MACF1: variants seen among roughly 807,000 people sequenced by gnomAD.
The protein encoded by MACF1 is microtubule-actin cross-linking factor 1.
A neutral mutation model predicts 854.8 loss-of-function variants in MACF1; 193 were observed. That is an observed-to-expected ratio of 0.23 (90% CI 0.20 to 0.25). The LOEUF (loss-of-function observed/expected upper bound fraction) is 0.25. Ranked by LOEUF, MACF1 falls within the 10% of genes least tolerant of loss-of-function variation. MACF1 has a pLI of 1.00. For missense variants in MACF1, 7,722 were observed against 8,929.1 expected, an observed-to-expected ratio of 0.86 and a Z score of 5.45; for synonymous variants, 3,185 against 3,226.7, an observed-to-expected ratio of 0.99 and a Z score of 0.44.
chr1:39,187,169 A>T (rs1047627024), intron 2 of MACF1, among the ~76,000 whole-genome samples: 4 of 152,132 alleles, frequency 2.6e-5, no homozygotes, highest in African/African-American at 9.7e-5. Flanking sequence ...AATATTGCTT[A>T]AAGGTGAGCT....
At chr1:39,358,619 C>G in intron 45 of MACF1, 78 bp from the exon 46 acceptor site, 1 of 1,381,174 alleles carries the variant, frequency 7.2e-7, no homozygotes, top group Middle Eastern at 1.8e-4. Context: ...GTAACAAAGC[C>G]AGGCCTCTTT....
intron 89 of MACF1, chr1:39,457,462 C>T (rs548822324): frequency 3.3e-5 from 5 of 152,500 alleles, no homozygotes; most frequent in African/African-American, 1.2e-4. Context: ...CCACACTTAC[C>T]CCCACCCCCA....
At chr1:39,360,011 AAATATATATATATATATATATATAT>A (rs1205761547) in intron 47 of MACF1, among the ~76,000 whole-genome samples, 7 of 46,576 alleles carry the variant, frequency 1.5e-4, no homozygotes, top group South Asian at 1.3e-3. Context: ...AAAAAAAAAA[AAATATATATATATATATATATATAT>A]ATATATATAT....
rs1644292002 is a variant in MACF1 at position 39,194,341 on chromosome 1, CTTTTCTTTT to C, written c.221-36840_221-36832del. Among the ~76,000 whole-genome samples, 3 of 70,028 alleles carry C rather than the reference CTTTTCTTTT, an allele frequency of 4.3e-5. No individual in the cohort carries two copies. The South Asian group carries it at 1.1e-3, about 27-fold the overall frequency. The allele number at this position is 70,028 out of a possible 152,430, so 45.9% of individuals were successfully genotyped here. On this transcript the variant is annotated intron_variant, in intron 2 of 93. Coordinates refer to the MACF1 transcript ENST00000361689. Reference sequence around the variant, plus strand: ...AATTTCTTTTCTTTTCTTTTCTTTTCTTTTCTTTTCTTTTTTTTTTTTTTTTTTTTGTGA... The same window carrying C: ...AATTTCTTTTCTTTTCTTTTCTTTTCCTTTTTTTTTTTTTTTTTTTTGTGA...
At chr1:39,232,535 T>C (rs1391399483) in intron 2 of MACF1, among the ~76,000 whole-genome samples, 2 of 152,196 alleles carry the variant, frequency 1.3e-5, no homozygotes, top group Non-Finnish European at 2.9e-5. Context: ...TTCCCCAGGA[T>C]CCTAACCTTG....
intron 58 of MACF1, chr1:39,414,306 C>T (rs138223166): frequency 7.4e-6 from 12 of 1,614,042 alleles, no homozygotes; most frequent in Non-Finnish European, 1.0e-5. Context: ...CCCACACTGA[C>T]TCAGTGCCTA....
At chr1:39,268,390 A>T (rs1645261467) in intron 6 of MACF1, 10 of 971,918 alleles carry the variant, frequency 1.0e-5, no homozygotes, top group Non-Finnish European at 1.2e-5. Flanking sequence ...ATTACCTCAT[A>T]TTTGGAGAGA....
Position 39,204,939 on chromosome 1 carries a change from A to G in MACF1, c.-84A>G. Reference sequence around the variant, plus strand: ...TCTGCCTCTGCTGATAGTACAGGACAACAGTAACCTCAGGAGAAAGGCATC... The same window carrying G: ...TCTGCCTCTGCTGATAGTACAGGACGACAGTAACCTCAGGAGAAAGGCATC... On this transcript the variant is annotated 5_prime_UTR_variant, in exon 1 of 101. Coordinates refer to ENST00000564288, the MANE Select transcript of MACF1 (RefSeq NM_001394062.1). The G allele has an allele frequency of 1.4e-6, 1 of 689,820 alleles. No individual in the cohort carries two copies. The highest frequency in any genetic ancestry group is 2.6e-6 in the Non-Finnish European group (1 of 378,416). 42.7% of individuals were successfully genotyped at this position (689,820 alleles called of 1,614,324 possible).
At chr1:39,450,070 G>A (rs1316774274) in intron 84 of MACF1, among the ~76,000 whole-genome samples, 2 of 151,572 alleles carry the variant, frequency 1.3e-5, no homozygotes, top group East Asian at 3.9e-4. Context: ...CACCATATTG[G>A]CCAGGCTGGT....
intron 3 of MACF1, 104 bp from the exon 4 acceptor site, chr1:39,251,742 T>C: frequency 5.2e-6 from 3 of 572,198 alleles, no homozygotes; most frequent in Non-Finnish European, 8.0e-6. Context: ...TATTTTCATA[T>C]TTGTTTTTCC....
upstream of MACF1, chr1:39,204,494 C>T (rs1042372146): frequency 2.0e-5 from 3 of 153,790 alleles, no homozygotes; most frequent in Non-Finnish European, 4.3e-5. Context: ...GGTGCTCATA[C>T]ATCCTCATGT....
At chr1:39,268,909 T>C in intron 6 of MACF1, 1 of 1,288,010 alleles carries the variant, frequency 7.8e-7, no homozygotes, top group Non-Finnish European at 1.0e-6. Flanking sequence ...ACAGAGAGTC[T>C]CCAAAAGGAA....
intron 17 of MACF1, 118 bp downstream of exon 17, chr1:39,292,961 G>T (rs1645825810): frequency 4.1e-6 from 3 of 735,306 alleles, no homozygotes; most frequent in Non-Finnish European, 6.7e-6. Context: ...CTGCTTATTA[G>T]GTTATATCAT....
chr1:39,218,798 C>G (rs1644610417), intron 1 of MACF1, among the ~76,000 whole-genome samples: 1 of 152,132 alleles, frequency 6.6e-6, no homozygotes, highest in Non-Finnish European at 1.5e-5. Context: ...TTTTTTGAGA[C>G]AGAGTCCTGC....
In MACF1 at chr1:39,387,534, C is replaced by T. The variant is rs953793098; in HGVS notation, c.14692C>T (p.Leu4898Phe). Residue 4898 changes from leucine (L) to phenylalanine (F), a missense_variant, in exon 58 of 101, where the codon CTC (leucine) becomes TTC (phenylalanine). By Grantham distance (22) the Leu-to-Phe change is conservative. This residue lies in a region of MACF1 where 2,807 missense variants were observed against 3,235.8 expected (regional missense o/e 0.87). Coordinates refer to ENST00000564288, the MANE Select transcript of MACF1 (RefSeq NM_001394062.1). Reference sequence around the variant, plus strand: ...AAAAACTGCAGACAGACAATCCAGGCTCAAGGATTGTATGCAGAAAGCTCA... The same window carrying T: ...AAAAACTGCAGACAGACAATCCAGGTTCAAGGATTGTATGCAGAAAGCTCA... ...SKKTADRQSRLKDCMQKAQKY... is the reference protein window; with the variant it reads ...SKKTADRQSRFKDCMQKAQKY... 6.2e-7 allele frequency: 1 copy of T among 1,614,100 alleles called. No individual in the cohort carries two copies.
intron 15 of MACF1, among the ~76,000 whole-genome samples, chr1:39,288,350 T>C (rs1645690473): frequency 6.6e-6 from 1 of 151,806 alleles, no homozygotes; most frequent in Non-Finnish European, 1.5e-5. Flanking sequence ...TACAAAAAAC[T>C]AGCCAGGTGT....
intron 21 of MACF1, chr1:39,298,645 A>AT: frequency 2.3e-6 from 1 of 429,532 alleles, no homozygotes; most frequent in South Asian, 1.7e-5. Context: ...TTTTATTTTT[A>AT]TTTTTTTACA....
At chr1:39,478,573 CATATA>C (rs1369961938) in intron 97 of MACF1, among the ~76,000 whole-genome samples, 7 of 152,276 alleles carry the variant, frequency 4.6e-5, no homozygotes, top group Middle Eastern at 3.4e-3. Flanking sequence ...GTTCTGTCAA[CATATA>C]ATATATTGAG....
chr1:39,177,397 C>T (rs1644044050), intron 2 of MACF1, among the ~76,000 whole-genome samples: 1 of 152,188 alleles, frequency 6.6e-6, no homozygotes, highest in African/African-American at 2.4e-5. Flanking sequence ...GCTGGCATTA[C>T]AGGCGTGAGC....
Sources: allele counts gnomAD v4.1 joint callset (sites outside exome capture counted in the v4.1 genomes callset), GRCh38; gene constraint gnomAD v4.1.1; regional missense constraint gnomAD v4.1.1; transcripts MANE v1.5; gene names NCBI Gene and HGNC (gene_info 2026-07-23, HGNC 2026-07-21).